The following MAP2K1 variants were observed in gnomAD, a reference collection of about 807,000 sequenced individuals.
MAP2K1 encodes the protein mitogen-activated protein kinase kinase 1.
In MAP2K1, 16 loss-of-function variants were observed where a neutral mutation model predicts 46.3. That is an observed-to-expected ratio of 0.35 (90% CI 0.23 to 0.52). The LOEUF is 0.52. MAP2K1 is among the 20% of genes least tolerant of loss of function. The pLI, the probability that MAP2K1 is intolerant of heterozygous loss-of-function variation, is 0.94. For missense variants in MAP2K1, 263 were observed against 497.1 expected (o/e 0.53, Z 4.48); for synonymous variants, 183 against 185.6 (o/e 0.99, Z 0.11).
intron 10 of MAP2K1, chr15:66,490,098 C>G: frequency 3.8e-6 from 2 of 531,322 alleles, no homozygotes; most frequent in African/African-American, 1.9e-5. Flanking sequence ...TCCAGAGTCA[C>G]TCTCCGCCTG....
chr15:66,466,093 G>A (rs1179838935), intron 5 of MAP2K1, among the ~76,000 whole-genome samples: 1 of 152,178 alleles, frequency 6.6e-6, no homozygotes, highest in Non-Finnish European at 1.5e-5. Context: ...CCTGTACAGG[G>A]ACTGTGTAGA....
At chr15:66,477,192 G>T (rs1412508124) in intron 5 of MAP2K1, among the ~76,000 whole-genome samples, 5 of 152,250 alleles carry the variant, frequency 3.3e-5, no homozygotes, top group African/African-American at 1.2e-4. Context: ...GACAGCCAGG[G>T]ATGGTGGCAA....
chr15:66,478,585 A>C (rs539517040), intron 5 of MAP2K1, among the ~76,000 whole-genome samples: 1 of 148,918 alleles, frequency 6.7e-6, no homozygotes, highest in Non-Finnish European at 1.5e-5. Context: ...TGCAACTTCT[A>C]CCTCCCGGGT....
intron 1 of MAP2K1, among the ~76,000 whole-genome samples, chr15:66,394,177 G>A (rs1334184627): frequency 2.0e-5 from 3 of 152,136 alleles, no homozygotes; most frequent in Non-Finnish European, 4.4e-5. Context: ...TTCTTTGAAG[G>A]CTATAAGGTG....
intron 1 of MAP2K1, among the ~76,000 whole-genome samples, chr15:66,392,074 G>T (rs756923434): frequency 6.6e-6 from 1 of 152,044 alleles, no homozygotes; most frequent in African/African-American, 2.4e-5. Context: ...ATACCTACAT[G>T]AGGAGGGAAT....
rs994693514 is a variant in MAP2K1, at chr15:66,387,411, G to T, written c.64G>T (p.Gly22Trp). The T allele has an allele frequency of 6.4e-7, 1 of 1,561,112 alleles. No homozygotes were observed. The highest frequency in any genetic ancestry group is 2.4e-5 in the East Asian group (1 of 42,104). Reference sequence around the variant, plus strand: ...GGCCCCCGACGGCTCTGCAGTTAACGGGACCAGCTCTGCGGAGTAAGTATG... The same window carrying T: ...GGCCCCCGACGGCTCTGCAGTTAACTGGACCAGCTCTGCGGAGTAAGTATG... ...NPAPDGSAVNGTSSAETNLEA... is the reference protein window; with the variant it reads ...NPAPDGSAVNWTSSAETNLEA... The change falls in exon 1 of 11, where the codon GGG becomes TGG. Residue 22 changes from glycine (G) to tryptophan (W), a missense_variant. Physicochemically the swap from Gly to Trp is radical, Grantham distance 184 (BLOSUM62 -2). Coordinates refer to ENST00000307102, the MANE Select transcript of MAP2K1 (RefSeq NM_002755.4).
In MAP2K1 at chr15:66,485,323, G is replaced by A; in HGVS notation, c.895+132G>A. On this transcript the variant is annotated intron_variant, in intron 7 of 10. Transcript: ENST00000307102. ...CTCTGTCCCTGGATGCCAGGCTAGG[G>A]CCAGGGGAAGCAGCAAGGGTCTCCA... is the stretch of plus-strand genomic sequence containing the variant. The A allele has an allele frequency of 2.3e-6, 2 of 873,814 alleles. 1 individual carries two copies. Among genetic ancestry groups the A allele is most frequent in the South Asian group, 3.5e-5 (2 of 57,042 alleles). The allele number at this position is 873,814 out of a possible 1,614,324, so 54.1% of individuals were successfully genotyped here.
intron 3 of MAP2K1, among the ~76,000 whole-genome samples, chr15:66,440,878 G>T (rs532452526): frequency 6.6e-6 from 1 of 152,294 alleles, no homozygotes; most frequent in Non-Finnish European, 1.5e-5. Flanking sequence ...CTTACATTTT[G>T]TAATTCCATC....
Position 66,488,064 on chromosome 15 carries a change from A to T in MAP2K1, c.960+772A>T, listed in dbSNP as rs1043168834. 6.0e-5 allele frequency among the ~76,000 whole-genome samples: 9 copies of T among 150,368 alleles called. No individual in the cohort carries two copies. The South Asian group carries it at 1.9e-3, about 32-fold the overall frequency. On this transcript the variant is annotated intron_variant, in intron 8 of 10. Coordinates refer to ENST00000307102, the MANE Select transcript of MAP2K1 (RefSeq NM_002755.4). ...CACCCAGTGCTCTTTCTTCCTTGCCACCTCCCACCTCCCATTCTTACCTCC... is the reference window on the plus strand; with the variant it reads ...CACCCAGTGCTCTTTCTTCCTTGCCTCCTCCCACCTCCCATTCTTACCTCC...
In MAP2K1 at chr15:66,473,464, G is replaced by A. The variant is rs573752712; in HGVS notation, c.569-8291G>A. Among the ~76,000 whole-genome samples the A allele has an allele frequency of 1.1e-4, 17 of 152,100 alleles. 1 individual carries two copies. The East Asian group carries it at 1.6e-3, about 14-fold the overall frequency. On this transcript the variant is annotated intron_variant, in intron 5 of 10. Transcript: ENST00000307102. ...TGGCGTGTGCTGAAGTGGGAGGATC[G>A]CTTGAGCCTAGGAGGTCGAGGCTGC... is the stretch of plus-strand genomic sequence containing the variant.
chr15:66,455,923 C>G (rs1892155528), intron 5 of MAP2K1, among the ~76,000 whole-genome samples: 1 of 152,122 alleles, frequency 6.6e-6, no homozygotes, highest in Non-Finnish European at 1.5e-5. Flanking sequence ...GTGGTTTAGC[C>G]TGATGTATGT....
At chr15:66,489,062 C>G (rs1893150265) in intron 8 of MAP2K1, 153 bp from the exon 9 acceptor site, 2 of 701,536 alleles carry the variant, frequency 2.9e-6, no homozygotes, top group Admixed American at 4.0e-5. Flanking sequence ...CTACCTGTGC[C>G]TTTCCTTGAC....
In MAP2K1 at chr15:66,395,891, A is replaced by G. The variant is rs955479902; in HGVS notation, c.80+8464A>G. ...TCTTGCATGTTTTTATTTTTGTTTT[A>G]TACTTGCCACTACACTTTAACTTCT... On this transcript the variant is annotated intron_variant, in intron 1 of 10. Coordinates refer to ENST00000307102, the MANE Select transcript of MAP2K1 (RefSeq NM_002755.4). Among the ~76,000 whole-genome samples the G allele has an allele frequency of 5.9e-5, 9 of 151,898 alleles. No homozygotes were observed. The East Asian group carries it at 1.7e-3, about 29-fold the overall frequency.
chr15:66,469,384 GT>G (rs1301690442), intron 5 of MAP2K1, among the ~76,000 whole-genome samples: 10 of 148,896 alleles, frequency 6.7e-5, no homozygotes, highest in Non-Finnish European at 1.3e-4. Flanking sequence ...TACAAAAGCA[GT>G]TTAATAGCTG....
At chr15:66,478,350 A>AAT (rs1338262370) in intron 5 of MAP2K1, among the ~76,000 whole-genome samples, 273 of 142,176 alleles carry the variant, frequency 1.9e-3, no homozygotes, top group African/African-American at 7.0e-3. Context: ...ATATATGTTA[A>AAT]ATATATATAC....
chr15:66,489,451 G>T, intron 9 of MAP2K1, 175 bp downstream of exon 9: 1 of 705,750 alleles, frequency 1.4e-6, no homozygotes, highest in South Asian at 1.6e-5. Flanking sequence ...GACTTATGTG[G>T]CATGTCTAAC....
At chr15:66,441,788 G>A (rs534023319) in intron 3 of MAP2K1, among the ~76,000 whole-genome samples, 38 of 151,780 alleles carry the variant, frequency 2.5e-4, no homozygotes, top group Non-Finnish European at 4.3e-4. Flanking sequence ...CATATACAGA[G>A]GCATTTGATA....
At chr15:66,394,158 G>T (rs916455268) in intron 1 of MAP2K1, among the ~76,000 whole-genome samples, 1 of 152,180 alleles carries the variant, frequency 6.6e-6, no homozygotes, top group Non-Finnish European at 1.5e-5. Context: ...CTTTGAAGAT[G>T]TATAAAATTT....
At chr15:66,411,507 T>A (rs925319506) in intron 1 of MAP2K1, among the ~76,000 whole-genome samples, 13 of 152,196 alleles carry the variant, frequency 8.5e-5, no homozygotes, top group Admixed American at 3.9e-4. Flanking sequence ...GCTTCTTTTT[T>A]AAGTGCCAGA....
Sources: gnomAD v4.1 joint callset for allele counts (sites outside exome capture counted in the v4.1 genomes callset) on GRCh38, gnomAD v4.1.1 for gene constraint, MANE v1.5 for transcripts, NCBI Gene and HGNC (gene_info 2026-07-23, HGNC 2026-07-21) for gene names.